The following ARNT2 variants were observed in gnomAD, a reference collection of about 807,000 sequenced individuals.
The protein encoded by ARNT2 is ARNT protein 2.
A neutral mutation model predicts 91.7 loss-of-function variants in ARNT2; 36 were observed. The ratio of observed to expected loss-of-function variants is 0.39; its 90% CI spans 0.30 to 0.52. The LOEUF (loss-of-function observed/expected upper bound fraction) is 0.52. Ranked by LOEUF, ARNT2 falls within the 20% of genes least tolerant of loss-of-function variation. The pLI, the probability that ARNT2 is intolerant of heterozygous loss-of-function variation, is 0.72. For missense variants in ARNT2, 775 were observed against 939.3 expected (o/e 0.83, Z 2.29); for synonymous variants, 365 against 347.1 (o/e 1.05, Z -0.57).
At position 80,516,828 on chromosome 15, in the gene ARNT2, A is replaced by AATATAT. The variant is rs56146872; in HGVS notation, c.877+2446_877+2451dup. The stretch of plus-strand genomic sequence containing the variant: ...TTTACAATTATTATATACAATTACA[A>AATATAT]ATATATATATATATATATATATATA... On this transcript the variant is annotated intron_variant, in intron 8 of 18. Coordinates refer to ENST00000303329, the MANE Select transcript of ARNT2 (RefSeq NM_014862.4). Among the ~76,000 whole-genome samples the AATATAT allele has an allele frequency of 4.6e-3, 344 of 74,786 alleles. 14 individuals carry two copies. Among genetic ancestry groups the AATATAT allele is most frequent in the South Asian group, 0.015 (33 of 2,178 alleles). 49.1% of individuals were successfully genotyped at this position (74,786 alleles called of 152,430 possible).
At chr15:80,463,350 A>C (rs1406114394) in intron 3 of ARNT2, among the ~76,000 whole-genome samples, 7 of 150,976 alleles carry the variant, frequency 4.6e-5, no homozygotes, top group African/African-American at 1.7e-4. Context: ...GAGCCCTTCC[A>C]AACTTCCCAT....
At chr15:80,581,433 T>C in intron 17 of ARNT2, 29 bp downstream of exon 17, 1 of 1,613,162 alleles carries the variant, frequency 6.2e-7, no homozygotes, top group Admixed American at 1.7e-5. Context: ...AGTGAGATTC[T>C]GGGAAAGCCA....
At chr15:80,426,751 C>A (rs1895937650) in intron 1 of ARNT2, among the ~76,000 whole-genome samples, 1 of 152,180 alleles carries the variant, frequency 6.6e-6, no homozygotes, top group African/African-American at 2.4e-5. Context: ...GCTCAGGCTC[C>A]CCTAACAAAA....
chr15:80,528,751 C>T (rs1429510047), intron 8 of ARNT2, among the ~76,000 whole-genome samples: 1 of 152,192 alleles, frequency 6.6e-6, no homozygotes, highest in Non-Finnish European at 1.5e-5. Context: ...CTCCCCTTCA[C>T]CTTCCACCAG....
intron 5 of ARNT2, among the ~76,000 whole-genome samples, chr15:80,495,693 G>A (rs1414221185): frequency 1.3e-5 from 2 of 152,184 alleles, no homozygotes; most frequent in African/African-American, 4.8e-5. Flanking sequence ...TTTTGCTCAT[G>A]CCTTCCTAGG....
chr15:80,583,420 G>A (rs1016720652), intron 17 of ARNT2, among the ~76,000 whole-genome samples: 4 of 152,204 alleles, frequency 2.6e-5, no homozygotes, highest in Non-Finnish European at 4.4e-5. Flanking sequence ...AAATGGAGAC[G>A]GGACACAGGA....
intron 15 of ARNT2, among the ~76,000 whole-genome samples, chr15:80,579,556 A>C (rs1160285817): frequency 6.6e-6 from 1 of 152,084 alleles, no homozygotes; most frequent in African/African-American, 2.4e-5. Flanking sequence ...GATGAGCCCC[A>C]TTCTGCCCTA....
At chr15:80,476,510 A>G (rs1379888199) in intron 5 of ARNT2, among the ~76,000 whole-genome samples, 4 of 152,366 alleles carry the variant, frequency 2.6e-5, no homozygotes, top group East Asian at 3.9e-4. Flanking sequence ...ATTCTGCTCT[A>G]TGACAGATAT....
At position 80,596,496 on chromosome 15, in the gene ARNT2, A is replaced by G. The variant is rs1316347730; in HGVS notation, c.*2798A>G. Reference sequence around the variant, plus strand: ...CAAGACAAACTGGAGTAAGAATTAAAGCCCCAGAGGATTTAATTATCCTGG... The same window carrying G: ...CAAGACAAACTGGAGTAAGAATTAAGGCCCCAGAGGATTTAATTATCCTGG... On this transcript the variant is annotated 3_prime_UTR_variant, in exon 19 of 19. Coordinates refer to ENST00000303329, the MANE Select transcript of ARNT2 (RefSeq NM_014862.4). 1 of 152,186 alleles carries G rather than the reference A, an allele frequency of 6.6e-6. No homozygotes were observed. The highest frequency in any genetic ancestry group is 2.4e-5 in the African/African-American group (1 of 41,434). The allele number at this position is 152,186 out of a possible 1,614,324, so 9.4% of individuals were successfully genotyped here. A position where few individuals can be genotyped will look rare whatever the true frequency, so the allele number is the denominator to read the frequency against.
At position 80,432,130 on chromosome 15, in the gene ARNT2, T is replaced by C. The variant is rs577874463; in HGVS notation, c.32-18750T>C. Among the ~76,000 whole-genome samples the C allele has an allele frequency of 1.1e-3, 167 of 152,346 alleles. 1 individual carries two copies. The highest frequency in any genetic ancestry group is 2.2e-3 in the Admixed American group (34 of 15,308). ...ACTGTCAATAGGTAAAAATGCAGCA[T>C]CTGTTTCCCATTCAACTACTGCTCC... On this transcript the variant is annotated intron_variant, in intron 1 of 18. Coordinates refer to ENST00000303329, the MANE Select transcript of ARNT2 (RefSeq NM_014862.4).
intron 17 of ARNT2, among the ~76,000 whole-genome samples, chr15:80,581,973 C>T (rs930025303): frequency 2.6e-5 from 4 of 152,194 alleles, no homozygotes; most frequent in East Asian, 1.9e-4. Context: ...TTCCACTCCA[C>T]GTCAGGACAA....
chr15:80,564,494 C>T (rs1241687442), intron 12 of ARNT2, among the ~76,000 whole-genome samples: 2 of 152,018 alleles, frequency 1.3e-5, no homozygotes, highest in South Asian at 2.1e-4. Flanking sequence ...CAGACAAGCC[C>T]ATGAGAGAAC....
chr15:80,507,682 G>A (rs1029620223), intron 5 of ARNT2, among the ~76,000 whole-genome samples: 1 of 152,234 alleles, frequency 6.6e-6, no homozygotes, highest in Non-Finnish European at 1.5e-5. Context: ...AGGGAGAAAG[G>A]AGCAGAGAGG....
intron 6 of ARNT2, 129 bp from the exon 7 acceptor site, chr15:80,513,782 A>T: frequency 1.4e-6 from 1 of 725,410 alleles, no homozygotes; most frequent in East Asian, 2.6e-5. Context: ...TTTGAAGAAA[A>T]TTGGCTATAG....
chr15:80,552,603 TCAA>T (rs1234948344), intron 9 of ARNT2, 34 bp from the exon 10 acceptor site: 2 of 1,606,952 alleles, frequency 1.2e-6, no homozygotes, highest in African/African-American at 2.7e-5. Flanking sequence ...CTCGTCTCTG[TCAA>T]CACCACCTCA....
At chr15:80,452,124 C>T (rs1229563071) in intron 2 of ARNT2, among the ~76,000 whole-genome samples, 1 of 152,058 alleles carries the variant, frequency 6.6e-6, no homozygotes, top group African/African-American at 2.4e-5. Flanking sequence ...GCATATTCAG[C>T]CTTGTAATTT....
At chr15:80,514,016 GTAGA>G (rs1312509777) in intron 7 of ARNT2, 40 bp downstream of exon 7, 13 of 1,565,980 alleles carry the variant, frequency 8.3e-6, no homozygotes, top group African/African-American at 1.4e-5. Context: ...GACTGTTCTG[GTAGA>G]TAGTCTAAAC....
intron 4 of ARNT2, among the ~76,000 whole-genome samples, chr15:80,474,218 A>T (rs542868081): frequency 6.6e-6 from 1 of 152,330 alleles, no homozygotes; most frequent in South Asian, 2.1e-4. Flanking sequence ...GATAATATCA[A>T]GGCTTCCTGC....
intron 1 of ARNT2, among the ~76,000 whole-genome samples, chr15:80,411,559 A>G (rs1027497931): frequency 2.0e-5 from 3 of 152,368 alleles, no homozygotes; most frequent in Admixed American, 6.5e-5. Flanking sequence ...TCCTACCAAG[A>G]TAATCCCTAT....
Sources: allele counts gnomAD v4.1 joint callset (sites outside exome capture counted in the v4.1 genomes callset), GRCh38; gene constraint gnomAD v4.1.1; transcripts MANE v1.5; gene names NCBI Gene and HGNC (gene_info 2026-07-23, HGNC 2026-07-21).